SLC38A7: variants seen among roughly 807,000 people sequenced by gnomAD.
The protein encoded by SLC38A7 is sodium-coupled neutral amino acid transporter 7.
In SLC38A7, 29 loss-of-function variants were observed where a neutral mutation model predicts 50.1. The observed-to-expected ratio is 0.58, with a 90% CI of 0.43 to 0.79. The LOEUF (loss-of-function observed/expected upper bound fraction) is 0.79. Ranked by LOEUF, SLC38A7 falls within the 30% of genes least tolerant of loss-of-function variation. The pLI, the probability that SLC38A7 is intolerant of heterozygous loss-of-function variation, is 0.00. For synonymous variants in SLC38A7, 244 were observed against 245.9 expected (o/e 0.99, Z 0.07); for missense variants, 483 against 610.6 (o/e 0.79, Z 2.20).
chr16:58,677,431 G>C lies in SLC38A7; in HGVS notation c.612-7C>G, dbSNP rs563207918. The C allele has an allele frequency of 1.1e-5, 18 of 1,613,794 alleles. No homozygotes were observed. The African/African-American group carries it at 1.7e-4, about 16-fold the overall frequency. ...ACCCACGACGCTCAGGAAGCTGCCG[G>C]GAAGGAGAGACTAAGTGTCCTCATC... On this transcript the variant is annotated splice_region_variant and splice_polypyrimidine_tract_variant and intron_variant, in intron 5 of 11. Coordinates refer to ENST00000219320, the MANE Select transcript of SLC38A7 (RefSeq NM_018231.3).
chr16:58,678,724 T>A lies in SLC38A7; in HGVS notation c.441A>T (p.Leu147=). 1.2e-6 allele frequency: 2 copies of A among 1,614,010 alleles called. No homozygotes were observed. Among genetic ancestry groups the A allele is most frequent in the East Asian group, 4.5e-5 (2 of 44,860 alleles). ...VYTFGTCIAF[L]IIIGDQQDKI... ...TGTCCTGCTGGTCGCCAATGATGAT[T>A]AGGAAGGCAATGCAGGTGCCAAAGG... Residue 147 remains leucine (L), a synonymous_variant, in exon 4 of 12, where the codon CTA becomes CTT. Transcript: ENST00000219320. This position sits in a 1 kb window ranked among gnomAD's most constrained non-coding sequence, Gnocchi z 4.0.
At chr16:58,677,625 A>C in intron 5 of SLC38A7, 1 of 573,242 alleles carries the variant, frequency 1.7e-6, no homozygotes, top group Non-Finnish European at 3.1e-6. Context: ...GACAGCCAAC[A>C]GGGGACCTGA....
In SLC38A7 at chr16:58,679,974, A is replaced by C; in HGVS notation, c.153T>G (p.Thr51=). 6.2e-7 allele frequency: 1 copy of C among 1,612,450 alleles called. No individual in the cohort carries two copies. ...CGATGAAGATGGCCCCAAGTGTGGA[A>C]GTGGTGCCTCTGTCCAGACCCCCAG... The part of the protein sequence containing the change: ...ASPGGLDRGT[T]STLGAIFIVV... The change falls in exon 3 of 12, where the codon ACT becomes ACG. Residue 51 remains threonine, a synonymous_variant. Transcript: ENST00000219320.
chr16:58,672,792 A>G (rs2044183826), intron 8 of SLC38A7, among the ~76,000 whole-genome samples: 1 of 152,032 alleles, frequency 6.6e-6, no homozygotes, highest in South Asian at 2.1e-4. Context: ...GACTACAGGC[A>G]GATGCCACCA....
intron 8 of SLC38A7, among the ~76,000 whole-genome samples, chr16:58,674,887 G>A (rs898977690): frequency 6.6e-5 from 10 of 151,918 alleles, no homozygotes; most frequent in African/African-American, 2.2e-4. Flanking sequence ...CTCTCCACAC[G>A]GCAGCCAGAG....
intron 11 of SLC38A7, among the ~76,000 whole-genome samples, chr16:58,668,827 C>T (rs1160458375): frequency 2.0e-5 from 3 of 146,986 alleles, no homozygotes; most frequent in African/African-American, 2.5e-5. Flanking sequence ...GGCTGGAGTG[C>T]AGTGGTGCGA....
chr16:58,678,376 G>A lies in SLC38A7; in HGVS notation c.568C>T (p.Pro190Ser), dbSNP rs1189745100. 6.3e-7 allele frequency: 1 copy of A among 1,599,142 alleles called. No homozygotes were observed. Among genetic ancestry groups the A allele is most frequent in the South Asian group, 1.1e-5 (1 of 88,650 alleles). Residue 190 changes from proline to serine, a missense_variant, in exon 5 of 12, where the codon CCC becomes TCC. Transcript: ENST00000219320. The surrounding 1 kb of genome is among the most constrained non-coding windows in gnomAD (Gnocchi z 4.0). Reference protein sequence around the residue: ...ISLTAFLFILPLSIPREIGFQ... With the variant: ...ISLTAFLFILSLSIPREIGFQ... ...CCAATCTCCCTGGGGATGGAGAGGG[G>A]CAGGATGAAGAGGAAGGCAGTGAGG... is the stretch of plus-strand genomic sequence containing the variant.
chr16:58,682,899 T>C (rs2044421613), intron 2 of SLC38A7, among the ~76,000 whole-genome samples: 1 of 152,170 alleles, frequency 6.6e-6, no homozygotes, highest in African/African-American at 2.4e-5. Flanking sequence ...GTGCTAGGAT[T>C]ACAGGCGTGA....
Position 58,677,338 on chromosome 16 carries a change from T to C in SLC38A7, c.698A>G (p.Asn233Ser), listed in dbSNP as rs1306421127. ...IWPDKEMTPG[N>S]ILTRPASWMA... ...CCCTCACCCTCACCTGGTCAGGATG[T>C]TCCCTGGGGTCATCTCTTTATCTGG... Residue 233 changes from asparagine to serine, a missense_variant, in exon 6 of 12, where the codon AAC becomes AGC. Coordinates refer to ENST00000219320, the MANE Select transcript of SLC38A7 (RefSeq NM_018231.3). The C allele has an allele frequency of 3.7e-6, 6 of 1,613,980 alleles. No homozygotes were observed. The East Asian group carries it at 1.3e-4, about 36-fold the overall frequency.
chr16:58,677,565 A>G (rs2044296693), intron 5 of SLC38A7, 141 bp from the exon 6 acceptor site: 2 of 692,678 alleles, frequency 2.9e-6, no homozygotes, highest in Admixed American at 2.4e-5. Context: ...GACTCAGGAA[A>G]CGCCTGAGAA....
At chr16:58,684,456 GA>G (rs2044450423) in intron 1 of SLC38A7, 3 of 152,674 alleles carry the variant, frequency 2.0e-5, no homozygotes, top group African/African-American at 7.2e-5. Context: ...CCTGGAGCGA[GA>G]AGGGTGGGCT....
Position 58,671,262 on chromosome 16 carries a change from G to A in SLC38A7, c.1032-18C>T, listed in dbSNP as rs1303124985. ...CCACCGCCCTGCCCACATGGAGAAG[G>A]GCTTAGAGGTGCCCCTGCTGCTAGC... On this transcript the variant is annotated intron_variant, in intron 9 of 11. Transcript: ENST00000219320. 1.2e-6 allele frequency: 2 copies of A among 1,609,106 alleles called. No homozygotes were observed. The highest frequency in any genetic ancestry group is 1.7e-6 in the Non-Finnish European group (2 of 1,176,814).
rs915734046 is a variant in SLC38A7, at chr16:58,678,598, G to A, written c.469+98C>T. On this transcript the variant is annotated intron_variant, in intron 4 of 11. Coordinates refer to ENST00000219320, the MANE Select transcript of SLC38A7 (RefSeq NM_018231.3). This position sits in a 1 kb window ranked among gnomAD's most constrained non-coding sequence, Gnocchi z 4.0. ...GATTCCCAGATGAATGCTGGGCCCA[G>A]GTAAGTCCTGGAGAGGTGTTCAGTG... 2.2e-5 allele frequency: 35 copies of A among 1,565,450 alleles called. No individual in the cohort carries two copies. The highest frequency in any genetic ancestry group is 2.1e-4 in the Admixed American group (12 of 57,254).
intron 11 of SLC38A7, 51 bp downstream of exon 11, chr16:58,670,062 A>G (rs9923128): frequency 0.54 from 847,712 of 1,574,808 alleles, 234,069 homozygotes; most frequent in African/African-American, 0.84. Context: ...ACAAAGCCAC[A>G]TTCCAATCCA....
rs1242332362 is a variant in SLC38A7 at position 58,678,696 on chromosome 16, T to C, written c.469A>G (p.Ile157Val). ...LIIIGDQQDK[I>V]IAVMAKEPEG... is the part of the protein sequence containing the mutation. ...GGTAGGGACTGAGGGAGAAGCTCAC[T>C]CTTGTCCTGCTGGTCGCCAATGATG... The change falls in exon 4 of 12, where the codon ATT (isoleucine) becomes GTT (valine). Residue 157 changes from isoleucine (I) to valine (V), a missense_variant and splice_region_variant. Physicochemically the swap from Ile to Val is conservative, Grantham distance 29. Coordinates refer to ENST00000219320, the MANE Select transcript of SLC38A7 (RefSeq NM_018231.3). The surrounding 1 kb of genome is among the most constrained non-coding windows in gnomAD (Gnocchi z 4.0). 6.2e-7 allele frequency: 1 copy of C among 1,613,778 alleles called. No homozygotes were observed.
At chr16:58,683,473 C>T (rs537726886) in intron 2 of SLC38A7, among the ~76,000 whole-genome samples, 6 of 152,266 alleles carry the variant, frequency 3.9e-5, no homozygotes, top group Non-Finnish European at 7.4e-5. Flanking sequence ...TCTGCTGGCT[C>T]GAAACCCAGA....
intron 9 of SLC38A7, 147 bp downstream of exon 9, chr16:58,671,949 T>G: frequency 3.2e-6 from 3 of 928,278 alleles, no homozygotes; most frequent in Non-Finnish European, 3.1e-6. Flanking sequence ...TGGCCTGGGA[T>G]ATGTAGGGAC....
intron 3 of SLC38A7, among the ~76,000 whole-genome samples, 196 bp from the exon 4 acceptor site, chr16:58,679,090 A>C (rs1325118905): frequency 6.6e-6 from 1 of 152,252 alleles, no homozygotes; most frequent in Non-Finnish European, 1.5e-5. Flanking sequence ...AATTGCCAAC[A>C]TACAAAAGTA....
Position 58,671,176 on chromosome 16 carries a change from C to T in SLC38A7, c.1100G>A (p.Arg367Gln), listed in dbSNP as rs771355373. ...VPVEEDVGRE[R>Q]RRRVLQTLVW... Reference sequence around the variant, plus strand: ...CAGCGTCTGCAGCACTCGCCGCCGCCGCTCCCGCCCCACGTCCTCCTCCAC... The same window carrying T: ...CAGCGTCTGCAGCACTCGCCGCCGCTGCTCCCGCCCCACGTCCTCCTCCAC... Residue 367 changes from arginine (R) to glutamine (Q), a missense_variant, in exon 10 of 12, where the codon CGG becomes CAG. Arg to Gln is a conservative substitution (Grantham distance 43). Transcript: ENST00000219320. The T allele has an allele frequency of 3.5e-5, 56 of 1,613,794 alleles. No homozygotes were observed. Among genetic ancestry groups the T allele is most frequent in the Middle Eastern group, 1.6e-4 (1 of 6,078 alleles).
Sources: allele counts gnomAD v4.1 joint callset (sites outside exome capture counted in the v4.1 genomes callset), GRCh38; gene constraint gnomAD v4.1.1; non-coding constraint Gnocchi (gnomAD v3.1); transcripts MANE v1.5; gene names NCBI Gene and HGNC (gene_info 2026-07-23, HGNC 2026-07-21).